Variants in MTR observed in about 807,000 individuals in gnomAD.
The protein encoded by MTR is 5-methyltetrahydrofolate-homocysteine methyltransferase.
Under a neutral mutation model 154.8 loss-of-function variants are expected in MTR, and 84 were observed. The observed-to-expected ratio is 0.54, with a 90% CI of 0.45 to 0.65. The LOEUF (loss-of-function observed/expected upper bound fraction) is 0.65, where lower values mean the gene tolerates loss of function less well. MTR is among the 30% of genes least tolerant of loss of function. The pLI is 0.00. For missense variants in MTR, 1,275 were observed against 1,570.2 expected (o/e 0.81, Z 3.18); for synonymous variants, 554 against 553.9 (o/e 1.00, Z 0.00).
rs908584950 is a variant in MTR at position 236,897,795 on chromosome 1, G to T, written c.*151G>T. ...TTCGAAGACTATTTAGTGGAACCTT[G>T]TAGAGGAGCAGGGTCTTCCTGCAGT... is the stretch of plus-strand genomic sequence containing the variant. On this transcript the variant is annotated 3_prime_UTR_variant, in exon 33 of 33. Transcript: ENST00000366577. 9 of 708,216 alleles carry T rather than the reference G, an allele frequency of 1.3e-5. No homozygotes were observed. The highest frequency in any genetic ancestry group is 2.2e-5 in the Non-Finnish European group (9 of 415,020). 43.9% of individuals were successfully genotyped at this position (708,216 alleles called of 1,614,324 possible).
chr1:236,840,750 T>C (rs890268398), intron 15 of MTR, among the ~76,000 whole-genome samples: 1 of 152,258 alleles, frequency 6.6e-6, no homozygotes, highest in Admixed American at 6.5e-5. Context: ...CAGTATGTTT[T>C]ACTTACTATT....
At chr1:236,814,260 A>G (rs1457926955) in intron 6 of MTR, among the ~76,000 whole-genome samples, 1 of 152,164 alleles carries the variant, frequency 6.6e-6, no homozygotes, top group Non-Finnish European at 1.5e-5. Context: ...TATAATTTGA[A>G]AAGGAATTCA....
At chr1:236,895,606 C>T in intron 31 of MTR, 56 bp downstream of exon 31, 1 of 1,522,628 alleles carries the variant, frequency 6.6e-7, no homozygotes, top group Non-Finnish European at 8.9e-7. Flanking sequence ...ATACTCTTAT[C>T]AGCATACTGG....
chr1:236,840,552 A>C (rs954941837), intron 15 of MTR, among the ~76,000 whole-genome samples: 9 of 152,188 alleles, frequency 5.9e-5, no homozygotes, highest in Non-Finnish European at 1.2e-4. Flanking sequence ...TGAAAACCAG[A>C]ATAAAATGAG....
chr1:236,837,901 C>T (rs1213810868), intron 14 of MTR, among the ~76,000 whole-genome samples: 1 of 152,150 alleles, frequency 6.6e-6, no homozygotes, highest in Non-Finnish European at 1.5e-5. Flanking sequence ...TAGTTATATG[C>T]ATTTGTTGAT....
At chr1:236,827,086 TG>T (rs1407186965) in intron 11 of MTR, among the ~76,000 whole-genome samples, 190 bp downstream of exon 11, 1 of 152,186 alleles carries the variant, frequency 6.6e-6, no homozygotes, top group African/African-American at 2.4e-5. Flanking sequence ...TAAGGTAAAA[TG>T]TCATACAGGT....
intron 15 of MTR, among the ~76,000 whole-genome samples, chr1:236,847,779 T>C (rs1479083568): frequency 6.6e-6 from 1 of 152,162 alleles, no homozygotes; most frequent in Non-Finnish European, 1.5e-5. Context: ...CAAACAGAAA[T>C]CCCTCCAGGG....
chr1:236,815,776 C>T, intron 7 of MTR, 113 bp downstream of exon 7: 1 of 1,002,334 alleles, frequency 1.0e-6, no homozygotes, highest in Non-Finnish European at 1.5e-6. Flanking sequence ...TAGAACTCAT[C>T]TACTTTAACT....
intron 1 of MTR, among the ~76,000 whole-genome samples, chr1:236,796,265 G>T (rs566473396): frequency 6.6e-6 from 1 of 152,286 alleles, no homozygotes; most frequent in South Asian, 2.1e-4. Context: ...TAAAATAGAT[G>T]AGCAGACCCC....
In MTR at chr1:236,891,259, A is replaced by G; in HGVS notation, c.3134A>G (p.His1045Arg). The G allele has an allele frequency of 6.2e-7, 1 of 1,614,086 alleles. No individual in the cohort carries two copies. Among genetic ancestry groups the G allele is most frequent in the Non-Finnish European group, 8.5e-7 (1 of 1,180,008 alleles). Residue 1045 changes from histidine (H) to arginine (R), a missense_variant, in exon 29 of 33, where the codon CAC (histidine) becomes CGC (arginine). Physicochemically the swap from His to Arg is conservative, Grantham distance 29 (BLOSUM62 0). Transcript: ENST00000366577. ...WPAQSIQDDI[H>R]LYAEAAVPQA... ...GCACAGAGTATCCAAGACGACATTC[A>G]CCTGTACGCAGAGGCTGCTGTGCCC...
In MTR at chr1:236,899,861, ATATGAAT is replaced by A. The variant is rs1211484058; in HGVS notation, c.*2220_*2226del. On this transcript the variant is annotated 3_prime_UTR_variant, in exon 33 of 33. Transcript: ENST00000366577. ...ATGTTCTGTAGCATTGGTCAGGGAA[ATATGAAT>A]TAGGACCACAATGAGATTCCATTTT... The A allele has an allele frequency of 6.5e-6, 1 of 153,630 alleles. No homozygotes were observed. The highest frequency in any genetic ancestry group is 1.5e-5 in the Non-Finnish European group (1 of 68,884). 9.5% of individuals were successfully genotyped at this position (153,630 alleles called of 1,614,324 possible).
chr1:236,800,590 C>A, intron 1 of MTR: 1 of 693,028 alleles, frequency 1.4e-6, no homozygotes, highest in African/African-American at 1.9e-5. Context: ...CATTTCCCAA[C>A]CTGCAAATAT....
intron 6 of MTR, among the ~76,000 whole-genome samples, chr1:236,814,808 C>T (rs1661494352): frequency 6.6e-6 from 1 of 152,018 alleles, no homozygotes. Flanking sequence ...TGTTTGTTTT[C>T]CGTAAGATCT....
In MTR at chr1:236,831,976, C is replaced by G. The variant is rs779393795; in HGVS notation, c.1086C>G (p.Pro362=). ...GCTTCTCCTTTTAAGGTCTAGAGCC[C>G]TTCAGGATTGGACCGTACACCAACT... is the stretch of plus-strand genomic sequence containing the variant. ...EGHMLLSGLE[P]FRIGPYTNFV... The change falls in exon 13 of 33, where the codon CCC becomes CCG. Residue 362 remains proline (P), a synonymous_variant. Transcript: ENST00000366577. 7.4e-6 allele frequency: 12 copies of G among 1,613,908 alleles called. No individual in the cohort carries two copies. The highest frequency in any genetic ancestry group is 6.7e-5 in the Admixed American group (4 of 59,996).
chr1:236,894,218 CAG>C (rs1159120656), intron 29 of MTR, 137 bp from the exon 30 acceptor site: 3 of 753,898 alleles, frequency 4.0e-6, no homozygotes, highest in Admixed American at 2.0e-5. Context: ...GGGGATGTAA[CAG>C]TGCACAATAC....
intron 27 of MTR, 77 bp from the exon 28 acceptor site, chr1:236,889,104 A>G: frequency 3.8e-6 from 6 of 1,562,488 alleles, no homozygotes; most frequent in Non-Finnish European, 5.3e-6. Context: ...TTGGCAGAGC[A>G]GTGAGGAGCT....
At chr1:236,867,566 G>A (rs1314119729) in intron 22 of MTR, among the ~76,000 whole-genome samples, 1 of 152,140 alleles carries the variant, frequency 6.6e-6, no homozygotes, top group African/African-American at 2.4e-5. Context: ...ATTTTGTAAG[G>A]CTGTAGCTGC....
intron 4 of MTR, among the ~76,000 whole-genome samples, chr1:236,809,792 A>G (rs1185420633): frequency 6.6e-6 from 1 of 152,208 alleles, no homozygotes; most frequent in Non-Finnish European, 1.5e-5. Flanking sequence ...ATCAAAGGTA[A>G]TGAGCAGTAC....
At chr1:236,894,750 T>C (rs1382684091) in intron 30 of MTR, 193 bp downstream of exon 30, 2 of 626,176 alleles carry the variant, frequency 3.2e-6, no homozygotes, top group African/African-American at 3.7e-5. Context: ...GTGTACATTA[T>C]CTTTGAGGCA....
Sources: allele counts gnomAD v4.1 joint callset (sites outside exome capture counted in the v4.1 genomes callset), GRCh38; gene constraint gnomAD v4.1.1; transcripts MANE v1.5; gene names NCBI Gene and HGNC (gene_info 2026-07-23, HGNC 2026-07-21).